ATXN7: variants seen among roughly 807,000 people sequenced by gnomAD.
The protein encoded by ATXN7 is ataxin 7.
A neutral mutation model predicts 70.5 loss-of-function variants in ATXN7; 12 were observed. The observed-to-expected ratio is 0.17, with a 90% confidence interval of 0.11 to 0.28. The LOEUF is 0.28. Among genes scored for constraint, ATXN7 ranks in the 10% least tolerant of loss-of-function variants. The probability of loss-of-function intolerance (pLI) is 1.00; values close to 1 mark genes in which losing one functional copy is unlikely to be tolerated. For missense variants in ATXN7, 1,256 were observed against 1,131.7 expected (o/e 1.11, Z -1.58); for synonymous variants, 498 against 448.7 (o/e 1.11, Z -1.39).
intron 1 of ATXN7, among the ~76,000 whole-genome samples, chr3:63,887,153 A>G (rs1221667898): frequency 6.6e-6 from 1 of 152,164 alleles, no homozygotes; most frequent in Non-Finnish European, 1.5e-5. Context: ...ACGAACTGGT[A>G]TTGAGCCCGT....
In ATXN7 at chr3:63,995,574, G is replaced by T. The variant is rs1418028422; in HGVS notation, c.1752G>T (p.Val584=). Residue 584 remains valine (V), a synonymous_variant, in exon 12 of 13, where the codon GTG becomes GTT. Transcript: ENST00000674280. Reference sequence around the variant, plus strand: ...GTATTCCTCACCGGACAAACTCTGTGCCGACATCACAATGTGGAGTCAGCT... The same window carrying T: ...GTATTCCTCACCGGACAAACTCTGTTCCGACATCACAATGTGGAGTCAGCT... The part of the protein sequence containing the change: ...STRIPHRTNS[V]PTSQCGVSYL... 2 of 1,614,048 alleles carry T rather than the reference G, an allele frequency of 1.2e-6. No individual in the cohort carries two copies. The highest frequency in any genetic ancestry group is 1.7e-6 in the Non-Finnish European group (2 of 1,180,036).
At chr3:63,942,535 T>A (rs1341607762) in intron 4 of ATXN7, among the ~76,000 whole-genome samples, 1 of 152,216 alleles carries the variant, frequency 6.6e-6, no homozygotes, top group African/African-American at 2.4e-5. Context: ...ATACCTTGAA[T>A]AGTGCCTAGC....
At chr3:63,936,219 C>T (rs1486919834) in intron 4 of ATXN7, among the ~76,000 whole-genome samples, 1 of 152,168 alleles carries the variant, frequency 6.6e-6, no homozygotes, top group African/African-American at 2.4e-5. Context: ...ATAAGCATCA[C>T]ATTGTCCTGT....
At chr3:63,968,314 C>A in intron 5 of ATXN7, 1 of 238,978 alleles carries the variant, frequency 4.2e-6, no homozygotes, top group Non-Finnish European at 8.2e-6. Context: ...AGACGGGAGC[C>A]GAGTTTGTTA....
At position 63,999,522 on chromosome 3, in the gene ATXN7, A is replaced by G; in HGVS notation, c.*55A>G. On this transcript the variant is annotated 3_prime_UTR_variant, in exon 13 of 13. Coordinates refer to ENST00000674280, the MANE Select transcript of ATXN7 (RefSeq NM_001377405.1). ...GCGGACACTTTTGAGGACAAGTTACACCTCCACTCAGCACTCTGGACTCCA... is the reference window on the plus strand; with the variant it reads ...GCGGACACTTTTGAGGACAAGTTACGCCTCCACTCAGCACTCTGGACTCCA... 2.5e-6 allele frequency: 4 copies of G among 1,608,420 alleles called. No individual in the cohort carries two copies. Among genetic ancestry groups the G allele is most frequent in the Non-Finnish European group, 3.4e-6 (4 of 1,177,112 alleles).
At chr3:63,940,626 T>C (rs1314628148) in intron 4 of ATXN7, among the ~76,000 whole-genome samples, 1 of 152,230 alleles carries the variant, frequency 6.6e-6, no homozygotes, top group East Asian at 1.9e-4. Context: ...TTACTGTGTT[T>C]AGACAGATAT....
chr3:63,887,015 C>A (rs913753768), intron 1 of ATXN7, among the ~76,000 whole-genome samples: 2 of 152,142 alleles, frequency 1.3e-5, no homozygotes, highest in Admixed American at 6.6e-5. Flanking sequence ...GAAAAACTCT[C>A]ATCTTCCCAC....
intron 5 of ATXN7, among the ~76,000 whole-genome samples, chr3:63,975,298 G>A (rs1432683441): frequency 1.3e-5 from 2 of 151,888 alleles, no homozygotes; most frequent in Non-Finnish European, 2.9e-5. Flanking sequence ...GCTTTATTTT[G>A]GCATGTGTAA....
intron 1 of ATXN7, among the ~76,000 whole-genome samples, chr3:63,882,576 C>T (rs920704660): frequency 5.3e-5 from 8 of 151,306 alleles, no homozygotes; most frequent in Non-Finnish European, 1.0e-4. Flanking sequence ...TAGTAGAGAC[C>T]GATTTCACCA....
intron 4 of ATXN7, among the ~76,000 whole-genome samples, chr3:63,919,778 G>T (rs1288406727): frequency 1.7e-5 from 2 of 121,078 alleles, no homozygotes; most frequent in African/African-American, 6.6e-5. Flanking sequence ...AGTCCCAGGT[G>T]TGTGACTTTT....
intron 1 of ATXN7, among the ~76,000 whole-genome samples, chr3:63,869,116 A>G (rs1466711781): frequency 6.6e-6 from 1 of 152,182 alleles, no homozygotes; most frequent in Non-Finnish European, 1.5e-5. Context: ...TATAGTCTTA[A>G]CCTTTCCTGT....
rs546639409 is a variant in ATXN7, at chr3:63,883,292, G to A, written c.-110-15107G>A. On this transcript the variant is annotated intron_variant, in intron 1 of 12. Coordinates refer to ENST00000674280, the MANE Select transcript of ATXN7 (RefSeq NM_001377405.1). Reference sequence around the variant, plus strand: ...TAGAGAAAAGCAGTATTAGATCCTGGCCCCAGACTTTAAAAAAGTCTGAGG... The same window carrying A: ...TAGAGAAAAGCAGTATTAGATCCTGACCCCAGACTTTAAAAAAGTCTGAGG... Among the ~76,000 whole-genome samples, 26 of 152,258 alleles carry A rather than the reference G, an allele frequency of 1.7e-4. No homozygotes were observed. The South Asian group carries it at 4.8e-3, about 28-fold the overall frequency.
rs188294632 is a variant in ATXN7, at chr3:63,875,763, C to T, written c.-111+11605C>T. ...TCACTACAAGAGGTTTTGAGAGGAG[C>T]ACTTGACACTTTTGTTTAATTAAGG... is the stretch of plus-strand genomic sequence containing the variant. On this transcript the variant is annotated intron_variant, in intron 1 of 12. Coordinates refer to ENST00000674280, the MANE Select transcript of ATXN7 (RefSeq NM_001377405.1). 2.0e-5 allele frequency among the ~76,000 whole-genome samples: 3 copies of T among 152,312 alleles called. No individual in the cohort carries two copies. The East Asian group carries it at 5.8e-4, about 29-fold the overall frequency.
At chr3:63,998,185 A>G (rs1195304104) in intron 12 of ATXN7, 6 of 721,498 alleles carry the variant, frequency 8.3e-6, no homozygotes, top group Non-Finnish European at 9.5e-6. Flanking sequence ...GCCCACAAGT[A>G]ACAAAAAGGA....
chr3:63,963,297 A>G (rs2075162308), intron 5 of ATXN7, among the ~76,000 whole-genome samples: 1 of 152,134 alleles, frequency 6.6e-6, no homozygotes, highest in African/African-American at 2.4e-5. Flanking sequence ...TTCTTTATAG[A>G]TTTTTTGATT....
intron 4 of ATXN7, among the ~76,000 whole-genome samples, chr3:63,932,411 C>T (rs969562281): frequency 5.9e-5 from 9 of 152,124 alleles, no homozygotes; most frequent in Non-Finnish European, 1.0e-4. Context: ...TCAGTCCTAC[C>T]TGAGGTTTTG....
At chr3:63,870,751 T>G (rs1291180278) in intron 1 of ATXN7, among the ~76,000 whole-genome samples, 2 of 152,148 alleles carry the variant, frequency 1.3e-5, no homozygotes, top group African/African-American at 4.8e-5. Flanking sequence ...AATACTGGCC[T>G]CTCAAGCTGC....
chr3:63,971,662 A>G (rs999532030), intron 5 of ATXN7, among the ~76,000 whole-genome samples: 2 of 152,190 alleles, frequency 1.3e-5, no homozygotes, highest in Non-Finnish European at 2.9e-5. Context: ...TATTCGTGAG[A>G]AAAAATATAT....
chr3:63,931,568 C>T lies in ATXN7; in HGVS notation c.394+18343C>T, dbSNP rs534384940. On this transcript the variant is annotated intron_variant, in intron 4 of 12. Transcript: ENST00000674280. ...TAATGAGGCCGCTACAGGTCTGATCCAGTGTTCTCTTTTCCTTATGGCCTT... is the reference window on the plus strand; with the variant it reads ...TAATGAGGCCGCTACAGGTCTGATCTAGTGTTCTCTTTTCCTTATGGCCTT... 9.3e-4 allele frequency among the ~76,000 whole-genome samples: 142 copies of T among 152,236 alleles called. 2 individuals are homozygous for T. Among genetic ancestry groups the T allele is most frequent in the African/African-American group, 3.1e-3 (129 of 41,546 alleles).
Sources: gnomAD v4.1 joint callset for allele counts (sites outside exome capture counted in the v4.1 genomes callset) on GRCh38, gnomAD v4.1.1 for gene constraint, MANE v1.5 for transcripts, NCBI Gene and HGNC (gene_info 2026-07-23, HGNC 2026-07-21) for gene names.